The following TEC variants were observed in gnomAD, a reference collection of about 807,000 sequenced individuals.
TEC encodes the protein tec protein tyrosine kinase.
In TEC, 72 loss-of-function variants were observed where a neutral mutation model predicts 93.0. The observed-to-expected ratio is 0.77, with a 90% confidence interval of 0.64 to 0.94. The LOEUF is 0.94. Among genes scored for constraint, TEC ranks in the 40% least tolerant of loss-of-function variants. TEC has a pLI of 0.00. For missense variants in TEC, 630 were observed against 757.9 expected (o/e 0.83, Z 1.98); for synonymous variants, 249 against 247.7 (o/e 1.01, Z -0.05).
chr4:48,143,303 G>GT (rs1273790763), intron 14 of TEC, among the ~76,000 whole-genome samples: 1 of 152,226 alleles, frequency 6.6e-6, no homozygotes, highest in African/African-American at 2.4e-5. Flanking sequence ...GCACAGAAAT[G>GT]TAAGAATCGT....
At chr4:48,257,734 T>G (rs1279820106) in intron 1 of TEC, among the ~76,000 whole-genome samples, 2 of 152,240 alleles carry the variant, frequency 1.3e-5, no homozygotes, top group African/African-American at 2.4e-5. Flanking sequence ...TACAAATGAA[T>G]GATTTCCTTT....
At chr4:48,266,844 A>G (rs1468514647) in intron 1 of TEC, among the ~76,000 whole-genome samples, 1 of 152,194 alleles carries the variant, frequency 6.6e-6, no homozygotes, top group South Asian at 2.1e-4. Flanking sequence ...GTCTCAAAAA[A>G]AAAAAAAACG....
At chr4:48,164,951 C>T (rs188471183) in intron 7 of TEC, among the ~76,000 whole-genome samples, 3 of 151,952 alleles carry the variant, frequency 2.0e-5, no homozygotes, top group East Asian at 1.9e-4. Context: ...TGAAATGAGC[C>T]GAGATCACGC....
intron 5 of TEC, among the ~76,000 whole-genome samples, chr4:48,169,204 A>T (rs1320957732): frequency 6.6e-6 from 1 of 152,084 alleles, no homozygotes; most frequent in East Asian, 1.9e-4. Flanking sequence ...GAGCTGGAGC[A>T]ACCAGAGGAA....
chr4:48,157,654 T>C (rs549944221), intron 8 of TEC, among the ~76,000 whole-genome samples: 27 of 152,308 alleles, frequency 1.8e-4, no homozygotes, highest in African/African-American at 6.3e-4. Flanking sequence ...TAGTTGGAAT[T>C]ATAGGCATGC....
At chr4:48,170,015 A>G (rs1257013160) in intron 5 of TEC, among the ~76,000 whole-genome samples, 2 of 152,216 alleles carry the variant, frequency 1.3e-5, no homozygotes, top group Admixed American at 1.3e-4. Flanking sequence ...CAATGGATTC[A>G]TTTTGAACAA....
chr4:48,265,519 T>A (rs2036769), intron 1 of TEC, among the ~76,000 whole-genome samples: 17,584 of 83,358 alleles, frequency 0.21, 1,215 homozygotes, highest in Non-Finnish European at 0.3. Context: ...ATATATATTT[T>A]TTTTTTTTTT....
intron 3 of TEC, among the ~76,000 whole-genome samples, chr4:48,171,950 T>C (rs1369692876): frequency 6.6e-6 from 1 of 152,200 alleles, no homozygotes; most frequent in Non-Finnish European, 1.5e-5. Flanking sequence ...ATTTTATAAA[T>C]GAGAAAATAA....
chr4:48,233,837 C>T (rs565261385), intron 1 of TEC, among the ~76,000 whole-genome samples: 79 of 147,702 alleles, frequency 5.3e-4, no homozygotes, highest in African/African-American at 1.8e-3. Flanking sequence ...AAAATTAAGA[C>T]GCAGAAAACA....
intron 1 of TEC, among the ~76,000 whole-genome samples, chr4:48,240,357 A>T (rs913661228): frequency 1.3e-5 from 2 of 152,138 alleles, no homozygotes; most frequent in African/African-American, 4.8e-5. Flanking sequence ...GGGAGGGGGA[A>T]AAAAGCACCA....
At chr4:48,206,966 AAAAC>A (rs1353500487) in intron 2 of TEC, among the ~76,000 whole-genome samples, 1 of 152,096 alleles carries the variant, frequency 6.6e-6, no homozygotes, top group Non-Finnish European at 1.5e-5. Flanking sequence ...CTCAAAAACA[AAAAC>A]AAACAAACAA....
chr4:48,187,784 A>G (rs1437211434), intron 2 of TEC, among the ~76,000 whole-genome samples: 3 of 152,246 alleles, frequency 2.0e-5, no homozygotes, highest in Non-Finnish European at 4.4e-5. Context: ...AGGAATTACA[A>G]TACATTGTGT....
At chr4:48,176,493 G>C (rs1721331420) in intron 2 of TEC, among the ~76,000 whole-genome samples, 1 of 152,122 alleles carries the variant, frequency 6.6e-6, no homozygotes, top group South Asian at 2.1e-4. Context: ...GGCCAAGGCG[G>C]GTGGATTACT....
intron 2 of TEC, among the ~76,000 whole-genome samples, chr4:48,215,483 G>A (rs1294160298): frequency 1.3e-5 from 2 of 152,150 alleles, no homozygotes; most frequent in African/African-American, 4.8e-5. Flanking sequence ...CTCCAGTCTG[G>A]GCAATAGAGT....
chr4:48,209,227 A>G (rs1722813169), intron 2 of TEC, among the ~76,000 whole-genome samples: 1 of 152,306 alleles, frequency 6.6e-6, no homozygotes, highest in Non-Finnish European at 1.5e-5. Flanking sequence ...AATTTGGATT[A>G]AATTCAGTAG....
In TEC at chr4:48,167,793, G is replaced by C; in HGVS notation, c.656C>G (p.Ala219Gly). The change falls in exon 7 of 18, where the codon GCA becomes GGA. Residue 219 changes from alanine to glycine, a missense_variant. By Grantham distance (60) the Ala-to-Gly change is moderately conservative (BLOSUM62 0). Transcript: ENST00000381501. ...GAATACTTACCCATATTTATCTCTT[G>C]CTCTCCACCAATGAACATCATTCTT... ...LEKNDVHWWR[A>G]RDKYGNEGYI... The C allele has an allele frequency of 6.2e-7, 1 of 1,613,538 alleles. No individual in the cohort carries two copies. Among genetic ancestry groups the C allele is most frequent in the Non-Finnish European group, 8.5e-7 (1 of 1,179,696 alleles).
intron 1 of TEC, among the ~76,000 whole-genome samples, chr4:48,234,970 T>C (rs1488504749): frequency 6.6e-6 from 1 of 152,080 alleles, no homozygotes. Flanking sequence ...TCACAATTCA[T>C]GAGTCAGGGT....
chr4:48,136,179 C>T lies in TEC; in HGVS notation c.*1237G>A, dbSNP rs1352010845. The T allele has an allele frequency of 6.6e-6, 1 of 152,186 alleles. No individual in the cohort carries two copies. Among genetic ancestry groups the T allele is most frequent in the Non-Finnish European group, 1.5e-5 (1 of 68,058 alleles). The allele number at this position is 152,186 out of a possible 1,614,324, so 9.4% of individuals were successfully genotyped here. ...GCGCTCACAAGGCAAAAAGGAAGGC[C>T]CTAATTCCGTTGATGTCTTAGTAGA... On this transcript the variant is annotated 3_prime_UTR_variant, in exon 18 of 18. Coordinates refer to ENST00000381501, the MANE Select transcript of TEC (RefSeq NM_003215.3).
chr4:48,189,200 A>G (rs1168408312), intron 2 of TEC, among the ~76,000 whole-genome samples: 1 of 152,226 alleles, frequency 6.6e-6, no homozygotes, highest in Non-Finnish European at 1.5e-5. Context: ...TTTGGGCAAC[A>G]CTGGCTGAAA....
Sources: gnomAD v4.1 joint callset for allele counts (sites outside exome capture counted in the v4.1 genomes callset) on GRCh38, gnomAD v4.1.1 for gene constraint, MANE v1.5 for transcripts, NCBI Gene and HGNC (gene_info 2026-07-23, HGNC 2026-07-21) for gene names.